The following MRPS5 variants were observed in gnomAD, a reference collection of about 807,000 sequenced individuals.
MRPS5 encodes the protein small ribosomal subunit protein uS5m.
MRPS5 carries 27 observed loss-of-function variants against 51.9 expected under a neutral mutation model. That is an observed-to-expected ratio of 0.52 (90% CI 0.38 to 0.72). The LOEUF is 0.72. Ranked by LOEUF, MRPS5 falls within the 30% of genes least tolerant of loss-of-function variation. MRPS5 has a pLI of 0.00. For missense variants in MRPS5, 570 were observed against 545.7 expected, an observed-to-expected ratio of 1.04 and a Z score of -0.44; for synonymous variants, 196 against 193.2, an observed-to-expected ratio of 1.01 and a Z score of -0.12.
At chr2:95,114,793 T>A (rs1676235352) in intron 3 of MRPS5, among the ~76,000 whole-genome samples, 1 of 152,146 alleles carries the variant, frequency 6.6e-6, no homozygotes, top group African/African-American at 2.4e-5. Context: ...TTGGTGTGAA[T>A]CTAAGTCAGC....
chr2:95,093,558 TGCAGCCTCTACTGGTGATACCCAG>T lies in MRPS5; in HGVS notation c.932-3060_932-3037del, dbSNP rs1430251633. ...TGCTCTTCTGCAATATTTGCTGCTC[TGCAGCCTCTACTGGTGATACCCAG>T]GCAAACAGGGTCTGGAGTGGACCTC... On this transcript the variant is annotated intron_variant, in intron 10 of 11. Transcript: ENST00000272418. 4 of 152,460 alleles carry T rather than the reference TGCAGCCTCTACTGGTGATACCCAG, an allele frequency of 2.6e-5. No individual in the cohort carries two copies. The South Asian group carries it at 6.2e-4, about 24-fold the overall frequency. 9.4% of individuals were successfully genotyped at this position (152,460 alleles called of 1,614,324 possible). A position where few individuals can be genotyped will look rare whatever the true frequency, so the allele number is the denominator to read the frequency against.
intron 10 of MRPS5, 174 bp from the exon 11 acceptor site, chr2:95,090,696 A>G (rs1675439863): frequency 1.6e-6 from 1 of 614,124 alleles, no homozygotes; most frequent in African/African-American, 1.8e-5. Flanking sequence ...CCAAGATGAC[A>G]CTTACTCAAA....
At chr2:95,087,674 G>T in intron 11 of MRPS5, 93 bp from the exon 12 acceptor site, 1 of 1,090,070 alleles carries the variant, frequency 9.2e-7, no homozygotes. Context: ...GTACAGCCTG[G>T]GGGTATTCAA....
At chr2:95,101,784 C>A in intron 7 of MRPS5, 61 bp from the exon 8 acceptor site, 1 of 1,219,216 alleles carries the variant, frequency 8.2e-7, no homozygotes, top group South Asian at 1.4e-5. Context: ...TGGTTTTTGC[C>A]ACATTTCAAG....
At chr2:95,121,630 G>T in intron 1 of MRPS5, 104 bp downstream of exon 1, 1 of 1,295,468 alleles carries the variant, frequency 7.7e-7, no homozygotes, top group Non-Finnish European at 1.0e-6. Flanking sequence ...AGAGCCGGGG[G>T]CCGCGGCTTC....
At chr2:95,101,648 G>A (rs1252187916) in intron 8 of MRPS5, 29 bp downstream of exon 8, 1 of 1,560,344 alleles carries the variant, frequency 6.4e-7, no homozygotes, top group Non-Finnish European at 8.7e-7. Context: ...CTTTTACTGA[G>A]TGTCAACAAA....
chr2:95,110,403 C>CT (rs1676083586), intron 3 of MRPS5, among the ~76,000 whole-genome samples: 1 of 152,230 alleles, frequency 6.6e-6, no homozygotes, highest in Admixed American at 6.5e-5. Context: ...ATTATAACCA[C>CT]TAAGATAACT....
intron 4 of MRPS5, 103 bp downstream of exon 4, chr2:95,109,813 C>A: frequency 7.7e-7 from 1 of 1,303,220 alleles, no homozygotes; most frequent in Non-Finnish European, 1.1e-6. Context: ...ATCGTAGTGC[C>A]CTTCATAAGA....
chr2:95,104,920 G>A (rs905227889), intron 6 of MRPS5, among the ~76,000 whole-genome samples, 190 bp from the exon 7 acceptor site: 1 of 151,962 alleles, frequency 6.6e-6, no homozygotes, highest in African/African-American at 2.4e-5. Flanking sequence ...ACTGTTTCAG[G>A]GAGAAAACAG....
At chr2:95,100,976 G>A (rs1675783085) in intron 8 of MRPS5, 82 bp from the exon 9 acceptor site, 13 of 1,235,540 alleles carry the variant, frequency 1.1e-5, no homozygotes, top group Non-Finnish European at 1.2e-5. Context: ...TAATAAAAAT[G>A]TTTCATTATC....
rs1199248874 is a variant in MRPS5 at position 95,108,172 on chromosome 2, T to C, written c.637+3A>G. 1 of 1,613,574 alleles carries C rather than the reference T, an allele frequency of 6.2e-7. No homozygotes were observed. Among genetic ancestry groups the C allele is most frequent in the African/African-American group, 1.3e-5 (1 of 75,066 alleles). On this transcript the variant is annotated splice_donor_region_variant and intron_variant, in intron 5 of 11. Coordinates refer to ENST00000272418, the MANE Select transcript of MRPS5 (RefSeq NM_031902.5). The stretch of plus-strand genomic sequence containing the variant: ...AAGGCAAACAAAACCAGGAGTTTGC[T>C]ACCTCCACAGGGACCAGGGTCAGGG...
At chr2:95,111,703 C>T (rs1676125131) in intron 3 of MRPS5, among the ~76,000 whole-genome samples, 1 of 152,098 alleles carries the variant, frequency 6.6e-6, no homozygotes, top group Non-Finnish European at 1.5e-5. Context: ...AATCCCATTA[C>T]CATTGTTAGA....
Position 95,086,732 on chromosome 2 carries a change from A to G in MRPS5, c.*625T>C, listed in dbSNP as rs1425470769. On this transcript the variant is annotated 3_prime_UTR_variant, in exon 12 of 12. Coordinates refer to ENST00000272418, the MANE Select transcript of MRPS5 (RefSeq NM_031902.5). The stretch of plus-strand genomic sequence containing the variant: ...ACTATAAGGAACTCAATAATAATAA[A>G]AAATAACTTTTTAAATGGGCAAAGG... 6.6e-6 allele frequency among the ~76,000 whole-genome samples: 1 copy of G among 152,252 alleles called. No individual in the cohort carries two copies. The highest frequency in any genetic ancestry group is 2.4e-5 in the African/African-American group (1 of 41,468).
At position 95,087,311 on chromosome 2, in the gene MRPS5, C is replaced by T. The variant is rs768685749; in HGVS notation, c.*46G>A. 1 of 1,514,896 alleles carries T rather than the reference C, an allele frequency of 6.6e-7. No homozygotes were observed. Among genetic ancestry groups the T allele is most frequent in the Admixed American group, 1.7e-5 (1 of 58,676 alleles). The allele number at this position is 1,514,896 out of a possible 1,614,324, so 93.8% of individuals were successfully genotyped here. ...CAAGCTGTGAGGGGCTGAGTCTCTC[C>T]TAGGTGCAGGGCAGCACAGGAACTG... On this transcript the variant is annotated 3_prime_UTR_variant, in exon 12 of 12. Coordinates refer to ENST00000272418, the MANE Select transcript of MRPS5 (RefSeq NM_031902.5).
At chr2:95,113,354 T>G (rs1207413285) in intron 3 of MRPS5, among the ~76,000 whole-genome samples, 2 of 151,970 alleles carry the variant, frequency 1.3e-5, no homozygotes, top group Non-Finnish European at 2.9e-5. Flanking sequence ...CACGCGCCTA[T>G]AGTCCCAGCT....
At chr2:95,095,449 T>C (rs979008891) in intron 10 of MRPS5, among the ~76,000 whole-genome samples, 3 of 152,236 alleles carry the variant, frequency 2.0e-5, no homozygotes, top group Admixed American at 6.5e-5. Flanking sequence ...GACCACGTAG[T>C]TGGAAGTAAA....
intron 10 of MRPS5, among the ~76,000 whole-genome samples, chr2:95,095,087 T>C (rs1382756792): frequency 6.6e-6 from 1 of 152,180 alleles, no homozygotes; most frequent in Non-Finnish European, 1.5e-5. Flanking sequence ...TCCTAGTCTC[T>C]GATAAAACAG....
At position 95,117,944 on chromosome 2, in the gene MRPS5, A is replaced by G. The variant is rs1241448245; in HGVS notation, c.60T>C (p.Gly20=). 10 of 1,592,886 alleles carry G rather than the reference A, an allele frequency of 6.3e-6. No individual in the cohort carries two copies. In the East Asian group the frequency reaches 8.9e-5, roughly 14 times the overall value. ...GGGAACACTGCCTCCCCAATAAATG[A>G]CCTGCAAATTGGAAAAAAAAAAATT... ...CLPVLCSGTA[G]HLLGRQCSLN... Residue 20 remains glycine (G), a splice_region_variant and synonymous_variant, in exon 2 of 12, where the codon GGT becomes GGC. Coordinates refer to ENST00000272418, the MANE Select transcript of MRPS5 (RefSeq NM_031902.5).
chr2:95,087,485 C>T lies in MRPS5; in HGVS notation c.1165G>A (p.Gly389Arg). The T allele has an allele frequency of 6.2e-7, 1 of 1,614,182 alleles. No individual in the cohort carries two copies. Among genetic ancestry groups the T allele is most frequent in the Non-Finnish European group, 8.5e-7 (1 of 1,180,036 alleles). ...GGCTCTGGATCCTTCCTCAAGGGCC[C>T]CCGGGGGGACGCAACCACAATGGGC... ...PLPIVVASPR[G>R]PLRKDPEPED... Residue 389 changes from glycine (G) to arginine (R), a missense_variant, in exon 12 of 12, where the codon GGG becomes AGG. Gly to Arg is a moderately radical substitution (Grantham distance 125). Coordinates refer to ENST00000272418, the MANE Select transcript of MRPS5 (RefSeq NM_031902.5).
Sources: allele counts gnomAD v4.1 joint callset (sites outside exome capture counted in the v4.1 genomes callset), GRCh38; gene constraint gnomAD v4.1.1; transcripts MANE v1.5; gene names NCBI Gene and HGNC (gene_info 2026-07-23, HGNC 2026-07-21).